DLG2: variants seen among roughly 807,000 people sequenced by gnomAD.
The protein encoded by DLG2 is discs large MAGUK scaffold protein 2.
A neutral mutation model predicts 132.5 loss-of-function variants in DLG2; 45 were observed. That is an observed-to-expected ratio of 0.34 (90% confidence interval 0.27 to 0.44). The LOEUF (loss-of-function observed/expected upper bound fraction) is 0.44. Among genes scored for constraint, DLG2 ranks in the 20% least tolerant of loss-of-function variants. The probability of loss-of-function intolerance (pLI) is 1.00; values close to 1 mark genes in which losing one functional copy is unlikely to be tolerated. For missense variants in DLG2, 1,045 were observed against 1,196.9 expected (o/e 0.87, Z 1.87); for synonymous variants, 424 against 419.6 (o/e 1.01, Z -0.13).
At chr11:84,171,486 C>A (rs993533475) in intron 8 of DLG2, among the ~76,000 whole-genome samples, 1 of 152,100 alleles carries the variant, frequency 6.6e-6, no homozygotes, top group African/African-American at 2.4e-5. Flanking sequence ...GGTATTTTGA[C>A]TCTGTTTCTG....
chr11:84,058,506 C>CAATAATAAT lies in DLG2; in HGVS notation c.919+800_919+808dup, dbSNP rs900276483. On this transcript the variant is annotated intron_variant, in intron 11 of 27. Coordinates refer to ENST00000376104, the MANE Select transcript of DLG2 (RefSeq NM_001142699.3). ...GTCTGTCTCTACCAAAAAACAAATA[C>CAATAATAAT]AATAATAATAATAATAATAATAATA... Among the ~76,000 whole-genome samples the CAATAATAAT allele has an allele frequency of 2.1e-3, 270 of 128,154 alleles. 3 individuals are homozygous for CAATAATAAT. Among genetic ancestry groups the CAATAATAAT allele is most frequent in the East Asian group, 8.9e-3 (44 of 4,946 alleles). The allele number at this position is 128,154 out of a possible 152,430, so 84.1% of individuals were successfully genotyped here. A position where few individuals can be genotyped will look rare whatever the true frequency, so the allele number is the denominator to read the frequency against.
At position 85,502,397 on chromosome 11, in the gene DLG2, T is replaced by G. The variant is rs182940667; in HGVS notation, c.40+96260A>C. Among the ~76,000 whole-genome samples, 36 of 150,592 alleles carry G rather than the reference T, an allele frequency of 2.4e-4. No individual in the cohort carries two copies. The East Asian group carries it at 7.3e-3, about 31-fold the overall frequency. ...GTAACAAAACTGCACGTTCTGCACATGTAACCCAGAACTTAAAGTATAATA... is the reference window on the plus strand; with the variant it reads ...GTAACAAAACTGCACGTTCTGCACAGGTAACCCAGAACTTAAAGTATAATA... On this transcript the variant is annotated intron_variant, in intron 3 of 27. Coordinates refer to ENST00000376104, the MANE Select transcript of DLG2 (RefSeq NM_001142699.3).
At chr11:83,863,392 C>G (rs1356183138) in intron 16 of DLG2, among the ~76,000 whole-genome samples, 1 of 152,168 alleles carries the variant, frequency 6.6e-6, no homozygotes, top group South Asian at 2.1e-4. Context: ...GTTTCTTTAC[C>G]ATGTGCTGTG....
At chr11:84,641,837 G>A (rs573589674) in intron 6 of DLG2, among the ~76,000 whole-genome samples, 43 of 151,952 alleles carry the variant, frequency 2.8e-4, no homozygotes, top group African/African-American at 9.4e-4. Context: ...ATACGAGTTT[G>A]TTGAATAAAT....
intron 3 of DLG2, among the ~76,000 whole-genome samples, chr11:85,444,565 T>C (rs1333637781): frequency 6.6e-6 from 1 of 152,216 alleles, no homozygotes; most frequent in East Asian, 1.9e-4. Context: ...CAGCCAGATG[T>C]CCAAATTGTG....
intron 7 of DLG2, among the ~76,000 whole-genome samples, chr11:84,357,395 T>G (rs1356356825): frequency 1.3e-5 from 2 of 152,072 alleles, no homozygotes; most frequent in Non-Finnish European, 2.9e-5. Context: ...CAGGAAAGCC[T>G]TCAGGAACCT....
intron 6 of DLG2, 162 bp from the exon 7 acceptor site, chr11:84,534,893 A>G (rs992024564): frequency 3.6e-6 from 3 of 823,530 alleles, no homozygotes; most frequent in South Asian, 1.4e-5. Context: ...GTCACCATAG[A>G]CCAGGTCAAA....
At chr11:84,184,717 G>C (rs982237111) in intron 8 of DLG2, among the ~76,000 whole-genome samples, 1 of 152,036 alleles carries the variant, frequency 6.6e-6, no homozygotes, top group African/African-American at 2.4e-5. Context: ...TAACGTTTAA[G>C]TCTTTAATCC....
chr11:83,600,218 TCA>T (rs113845514), intron 19 of DLG2, among the ~76,000 whole-genome samples: 1 of 143,304 alleles, frequency 7.0e-6, no homozygotes, highest in African/African-American at 2.6e-5. Flanking sequence ...AAAGATGAGT[TCA>T]CACAGCTAGC....
At chr11:84,263,911 G>T (rs914809214) in intron 7 of DLG2, among the ~76,000 whole-genome samples, 2 of 152,156 alleles carry the variant, frequency 1.3e-5, no homozygotes, top group Non-Finnish European at 2.9e-5. Context: ...TCCAAGACTT[G>T]TTTCTAAACA....
intron 7 of DLG2, among the ~76,000 whole-genome samples, chr11:84,468,796 C>A (rs755861213): frequency 6.6e-6 from 1 of 151,616 alleles, no homozygotes; most frequent in Admixed American, 6.6e-5. Flanking sequence ...AACCAAGTTC[C>A]AGTTTCTCCT....
At chr11:84,516,224 AG>A (rs1179742924) in intron 7 of DLG2, among the ~76,000 whole-genome samples, 3 of 151,570 alleles carry the variant, frequency 2.0e-5, no homozygotes, top group Non-Finnish European at 4.4e-5. Flanking sequence ...GGAAATAGAA[AG>A]ATTAGAGTAG....
At chr11:84,043,387 A>G (rs2096149946) in intron 11 of DLG2, among the ~76,000 whole-genome samples, 1 of 151,590 alleles carries the variant, frequency 6.6e-6, no homozygotes, top group South Asian at 2.1e-4. Context: ...TTTTTAATTT[A>G]ATATTTTATT....
intron 6 of DLG2, among the ~76,000 whole-genome samples, chr11:85,007,283 G>T (rs2058743687): frequency 6.6e-6 from 1 of 152,138 alleles, no homozygotes; most frequent in Non-Finnish European, 1.5e-5. Context: ...TAATCTATGT[G>T]AAATGACCTA....
At chr11:83,522,245 T>C (rs1359154872) in intron 21 of DLG2, among the ~76,000 whole-genome samples, 1 of 152,200 alleles carries the variant, frequency 6.6e-6, no homozygotes, top group African/African-American at 2.4e-5. Flanking sequence ...TCCCGCCCAT[T>C]TGAATACCTG....
intron 21 of DLG2, among the ~76,000 whole-genome samples, chr11:83,484,777 C>CTGTT (rs1177634468): frequency 2.6e-5 from 4 of 152,108 alleles, no homozygotes; most frequent in African/African-American, 7.2e-5. Context: ...TGAGTTACTT[C>CTGTT]TGTTTAGTTT....
At chr11:84,585,480 A>G (rs1249088381) in intron 6 of DLG2, among the ~76,000 whole-genome samples, 1 of 152,162 alleles carries the variant, frequency 6.6e-6, no homozygotes, top group East Asian at 1.9e-4. Flanking sequence ...GGATTATCAT[A>G]GGTATTCCTT....
At chr11:84,710,738 A>G (rs531921880) in intron 6 of DLG2, among the ~76,000 whole-genome samples, 1 of 151,716 alleles carries the variant, frequency 6.6e-6, no homozygotes, top group African/African-American at 2.4e-5. Context: ...TTTGGAAAAA[A>G]ACTTCAATAA....
chr11:84,902,435 C>A (rs10898317), intron 6 of DLG2, among the ~76,000 whole-genome samples: 1 of 151,918 alleles, frequency 6.6e-6, no homozygotes, highest in African/African-American at 2.4e-5. Context: ...TATCCCCTTA[C>A]AGAAGCCGAA....
Sources: gnomAD v4.1 joint callset for allele counts (sites outside exome capture counted in the v4.1 genomes callset) on GRCh38, gnomAD v4.1.1 for gene constraint, MANE v1.5 for transcripts, NCBI Gene and HGNC (gene_info 2026-07-23, HGNC 2026-07-21) for gene names.